RAP2B: variants seen among roughly 807,000 people sequenced by gnomAD.
RAP2B encodes ras-related protein Rap-2b.
In RAP2B, 6 loss-of-function variants were observed where a neutral mutation model predicts 14.4. The ratio of observed to expected loss-of-function variants is 0.42; its 90% CI spans 0.23 to 0.82. RAP2B has a LOEUF of 0.82. Among genes scored for constraint, RAP2B ranks in the 40% least tolerant of loss-of-function variants. The pLI is 0.30. For synonymous variants in RAP2B, 118 were observed against 113.2 expected (o/e 1.04, Z -0.27); for missense variants, 137 against 248.2 (o/e 0.55, Z 3.01).
chr3:153,169,685 C>T lies in RAP2B; in HGVS notation c.*6440C>T, dbSNP rs1045898580. 2.0e-5 allele frequency: 3 copies of T among 152,094 alleles called. No homozygotes were observed. Among genetic ancestry groups the T allele is most frequent in the Non-Finnish European group, 4.4e-5 (3 of 68,046 alleles). The allele number at this position is 152,094 out of a possible 1,614,324, so 9.4% of individuals were successfully genotyped here. On this transcript the variant is annotated 3_prime_UTR_variant, in exon 1 of 1. Coordinates refer to ENST00000323534, the MANE Select transcript of RAP2B (RefSeq NM_002886.4). ...GGTCTTGAACTTCTGACCTTGTGCT[C>T]CACCCACCTCAGCCTCCCAAGAGTT...
In RAP2B at chr3:153,165,067, T is replaced by C. The variant is rs1368065572; in HGVS notation, c.*1822T>C. The stretch of plus-strand genomic sequence containing the variant: ...TGCCTTAGATCTGGGAAAGTAACCA[T>C]CCTTCTGGCAAAGTAGGATGGCACT... On this transcript the variant is annotated 3_prime_UTR_variant, in exon 1 of 1. Transcript: ENST00000323534. 6.0e-6 allele frequency: 1 copy of C among 166,864 alleles called. No individual in the cohort carries two copies. The highest frequency in any genetic ancestry group is 2.4e-5 in the African/African-American group (1 of 41,466). 10.3% of individuals were successfully genotyped at this position (166,864 alleles called of 1,614,324 possible). A position where few individuals can be genotyped will look rare whatever the true frequency, so the allele number is the denominator to read the frequency against.
rs1713594629 is a variant in RAP2B, at chr3:153,166,854, C to G, written c.*3609C>G. 6.0e-6 allele frequency: 1 copy of G among 166,784 alleles called. No individual in the cohort carries two copies. The highest frequency in any genetic ancestry group is 1.5e-5 in the Non-Finnish European group (1 of 68,072). 10.3% of individuals were successfully genotyped at this position (166,784 alleles called of 1,614,324 possible). ...GAATGCCTGATCTATTTTATCTGTTCAGGTAGTTTTGTTATTGTACCCTCT... is the reference window on the plus strand; with the variant it reads ...GAATGCCTGATCTATTTTATCTGTTGAGGTAGTTTTGTTATTGTACCCTCT... On this transcript the variant is annotated 3_prime_UTR_variant, in exon 1 of 1. Transcript: ENST00000323534.
In RAP2B at chr3:153,167,233, A is replaced by G. The variant is rs1312076440; in HGVS notation, c.*3988A>G. 1.2e-5 allele frequency: 2 copies of G among 167,092 alleles called. No homozygotes were observed. The highest frequency in any genetic ancestry group is 2.9e-5 in the Non-Finnish European group (2 of 68,106). The allele number at this position is 167,092 out of a possible 1,614,324, so 10.4% of individuals were successfully genotyped here. On this transcript the variant is annotated 3_prime_UTR_variant, in exon 1 of 1. Coordinates refer to ENST00000323534, the MANE Select transcript of RAP2B (RefSeq NM_002886.4). ...CTATTAGGAATGATTCAGTGCATTT[A>G]ACTGAACACAGAGCTAGTTCTAGGT...
chr3:153,162,995 T>C lies in RAP2B; in HGVS notation c.302T>C (p.Ile101Thr). The C allele has an allele frequency of 6.2e-7, 1 of 1,614,120 alleles. No individual in the cohort carries two copies. Among genetic ancestry groups the C allele is most frequent in the Non-Finnish European group, 8.5e-7 (1 of 1,180,038 alleles). The stretch of plus-strand genomic sequence containing the variant: ...ATCAAGCCCATGCGGGACCAGATCA[T>C]CCGCGTGAAGCGGTACGAGCGCGTG... ...QDIKPMRDQI[I>T]RVKRYERVPM... is the part of the protein sequence containing the mutation. Residue 101 changes from isoleucine (I) to threonine (T), a missense_variant, in exon 1 of 1, where the codon ATC becomes ACC. By Grantham distance (89) the Ile-to-Thr change is moderately conservative. Coordinates refer to ENST00000323534, the MANE Select transcript of RAP2B (RefSeq NM_002886.4). This position sits in a 1 kb window ranked among gnomAD's most constrained non-coding sequence, Gnocchi z 4.9.
Position 153,163,650 on chromosome 3 carries a change from T to C in RAP2B, c.*405T>C, listed in dbSNP as rs1397750886. On this transcript the variant is annotated 3_prime_UTR_variant, in exon 1 of 1. Transcript: ENST00000323534. ...GGTGGAAATGGTTTTTTTTTTTTTT[T>C]TTCTATTTTCTTTCTTTTTTTTTTT... 3 of 164,408 alleles carry C rather than the reference T, an allele frequency of 1.8e-5. No homozygotes were observed. Among genetic ancestry groups the C allele is most frequent in the African/African-American group, 7.4e-5 (3 of 40,554 alleles). 10.2% of individuals were successfully genotyped at this position (164,408 alleles called of 1,614,324 possible).
Position 153,168,193 on chromosome 3 carries a change from G to T in RAP2B, c.*4948G>T, listed in dbSNP as rs1012375103. On this transcript the variant is annotated 3_prime_UTR_variant, in exon 1 of 1. Transcript: ENST00000323534. The stretch of plus-strand genomic sequence containing the variant: ...CCAGAACTTTATGTTAAAGATCTGG[G>T]TTTTTAAAGACAATTTGGGGGCCTT... 1.2e-5 allele frequency: 2 copies of T among 166,890 alleles called. No individual in the cohort carries two copies. The highest frequency in any genetic ancestry group is 2.9e-5 in the Non-Finnish European group (2 of 68,098). The allele number at this position is 166,890 out of a possible 1,614,324, so 10.3% of individuals were successfully genotyped here. A position where few individuals can be genotyped will look rare whatever the true frequency, so the allele number is the denominator to read the frequency against.
Position 153,163,385 on chromosome 3 carries a change from C to T in RAP2B, c.*140C>T. On this transcript the variant is annotated 3_prime_UTR_variant, in exon 1 of 1. Coordinates refer to ENST00000323534, the MANE Select transcript of RAP2B (RefSeq NM_002886.4). ...GTCTTGGGAGCCCGGCTGGCCTCCG[C>T]GGCCGGCGTCCCCTGCCTCCACCCT... 8.2e-7 allele frequency: 1 copy of T among 1,221,810 alleles called. No individual in the cohort carries two copies. The highest frequency in any genetic ancestry group is 1.1e-6 in the Non-Finnish European group (1 of 893,190). 75.7% of individuals were successfully genotyped at this position (1,221,810 alleles called of 1,614,324 possible). A position where few individuals can be genotyped will look rare whatever the true frequency, so the allele number is the denominator to read the frequency against.
rs1214475128 is a variant in RAP2B at position 153,165,018 on chromosome 3, A to G, written c.*1773A>G. ...CAGTTTACCTCATTGTAGGTAGGGAACAAGAGAACCCATCTATTAAAATTG... is the reference window on the plus strand; with the variant it reads ...CAGTTTACCTCATTGTAGGTAGGGAGCAAGAGAACCCATCTATTAAAATTG... On this transcript the variant is annotated 3_prime_UTR_variant, in exon 1 of 1. Coordinates refer to ENST00000323534, the MANE Select transcript of RAP2B (RefSeq NM_002886.4). 6.0e-6 allele frequency: 1 copy of G among 166,800 alleles called. No homozygotes were observed. Among genetic ancestry groups the G allele is most frequent in the Non-Finnish European group, 1.5e-5 (1 of 68,102 alleles). 10.3% of individuals were successfully genotyped at this position (166,800 alleles called of 1,614,324 possible).
Position 153,167,459 on chromosome 3 carries a change from G to C in RAP2B, c.*4214G>C, listed in dbSNP as rs939880332. 1.2e-5 allele frequency: 2 copies of C among 166,976 alleles called. No individual in the cohort carries two copies. Among genetic ancestry groups the C allele is most frequent in the African/African-American group, 4.8e-5 (2 of 41,456 alleles). 10.3% of individuals were successfully genotyped at this position (166,976 alleles called of 1,614,324 possible). A position where few individuals can be genotyped will look rare whatever the true frequency, so the allele number is the denominator to read the frequency against. On this transcript the variant is annotated 3_prime_UTR_variant, in exon 1 of 1. Transcript: ENST00000323534. Reference sequence around the variant, plus strand: ...TTTCATTTCTAACAAGTTTCCAAGTGATTGTGTTATTGCTGTTCCAGGGAC... The same window carrying C: ...TTTCATTTCTAACAAGTTTCCAAGTCATTGTGTTATTGCTGTTCCAGGGAC...
At position 153,167,307 on chromosome 3, in the gene RAP2B, A is replaced by G. The variant is rs1274714906; in HGVS notation, c.*4062A>G. 6.0e-6 allele frequency: 1 copy of G among 167,192 alleles called. No individual in the cohort carries two copies. Among genetic ancestry groups the G allele is most frequent in the African/African-American group, 2.4e-5 (1 of 41,574 alleles). 10.4% of individuals were successfully genotyped at this position (167,192 alleles called of 1,614,324 possible). A position where few individuals can be genotyped will look rare whatever the true frequency, so the allele number is the denominator to read the frequency against. ...TGGATTTTGAAGGTTTGAGAAGGCT[A>G]TGGGGATCATCTGGTTGAAAGGTTC... On this transcript the variant is annotated 3_prime_UTR_variant, in exon 1 of 1. Transcript: ENST00000323534.
Position 153,162,433 on chromosome 3 carries a change from C to T in RAP2B, c.-261C>T. On this transcript the variant is annotated 5_prime_UTR_variant, in exon 1 of 1. Transcript: ENST00000323534. This position sits in a 1 kb window ranked among gnomAD's most constrained non-coding sequence, Gnocchi z 4.9. ...CTGCGGGCATTGTCCTCTCGGTTCGCCGCCCGGGCTGCTGCTGCCGCCGCG... is the reference window on the plus strand; with the variant it reads ...CTGCGGGCATTGTCCTCTCGGTTCGTCGCCCGGGCTGCTGCTGCCGCCGCG... The T allele has an allele frequency of 3.5e-6, 1 of 289,204 alleles. No homozygotes were observed. Among genetic ancestry groups the T allele is most frequent in the East Asian group, 5.9e-5 (1 of 16,842 alleles). 17.9% of individuals were successfully genotyped at this position (289,204 alleles called of 1,614,324 possible). A position where few individuals can be genotyped will look rare whatever the true frequency, so the allele number is the denominator to read the frequency against.
At position 153,168,979 on chromosome 3, in the gene RAP2B, C is replaced by T. The variant is rs1293819288; in HGVS notation, c.*5734C>T. 6.6e-6 allele frequency: 1 copy of T among 151,962 alleles called. No homozygotes were observed. Among genetic ancestry groups the T allele is most frequent in the African/African-American group, 2.4e-5 (1 of 41,372 alleles). The allele number at this position is 151,962 out of a possible 1,614,324, so 9.4% of individuals were successfully genotyped here. A position where few individuals can be genotyped will look rare whatever the true frequency, so the allele number is the denominator to read the frequency against. On this transcript the variant is annotated 3_prime_UTR_variant, in exon 1 of 1. Coordinates refer to ENST00000323534, the MANE Select transcript of RAP2B (RefSeq NM_002886.4). ...ATGGACTAATACTTGATTTTGTGAA[C>T]CTGTTTTAATTTTAGGGTTATATTT...
In RAP2B at chr3:153,163,422, G is replaced by C. The variant is rs769510088; in HGVS notation, c.*177G>C. On this transcript the variant is annotated 3_prime_UTR_variant, in exon 1 of 1. Coordinates refer to ENST00000323534, the MANE Select transcript of RAP2B (RefSeq NM_002886.4). ...CCTGCCTCCACCCTGTGCCCGAGGG[G>C]GTGTCCGGTCCTGCCCATCCGATAC... 2.0e-5 allele frequency: 16 copies of C among 793,860 alleles called. No homozygotes were observed. The African/African-American group carries it at 2.5e-4, about 12-fold the overall frequency. The allele number at this position is 793,860 out of a possible 1,614,324, so 49.2% of individuals were successfully genotyped here. A position where few individuals can be genotyped will look rare whatever the true frequency, so the allele number is the denominator to read the frequency against.
Position 153,168,142 on chromosome 3 carries a change from A to G in RAP2B, c.*4897A>G, listed in dbSNP as rs543799803. 1.2e-5 allele frequency: 2 copies of G among 167,118 alleles called. No homozygotes were observed. Among genetic ancestry groups the G allele is most frequent in the South Asian group, 4.1e-4 (2 of 4,826 alleles). The allele number at this position is 167,118 out of a possible 1,614,324, so 10.4% of individuals were successfully genotyped here. A position where few individuals can be genotyped will look rare whatever the true frequency, so the allele number is the denominator to read the frequency against. On this transcript the variant is annotated 3_prime_UTR_variant, in exon 1 of 1. Coordinates refer to ENST00000323534, the MANE Select transcript of RAP2B (RefSeq NM_002886.4). The stretch of plus-strand genomic sequence containing the variant: ...TGTGTATCTTGCAGCTTCTTTCGTT[A>G]TGCATCTTAATTCCCTCAGAAGGTC...
In RAP2B at chr3:153,170,588, G is replaced by A. The variant is rs760309192; in HGVS notation, c.*7343G>A. On this transcript the variant is annotated 3_prime_UTR_variant, in exon 1 of 1. Transcript: ENST00000323534. ...TGAACATTGGGCCTTTGAAAGGTATGTGGAAATTGTAAATAAAAATGGATT... is the reference window on the plus strand; with the variant it reads ...TGAACATTGGGCCTTTGAAAGGTATATGGAAATTGTAAATAAAAATGGATT... 5 of 152,178 alleles carry A rather than the reference G, an allele frequency of 3.3e-5. No homozygotes were observed. Among genetic ancestry groups the A allele is most frequent in the Non-Finnish European group, 7.3e-5 (5 of 68,030 alleles). The allele number at this position is 152,178 out of a possible 1,614,324, so 9.4% of individuals were successfully genotyped here.
Position 153,162,431 on chromosome 3 carries a change from C to T in RAP2B, c.-263C>T, listed in dbSNP as rs1241159938. The T allele has an allele frequency of 1.1e-5, 3 of 280,216 alleles. No individual in the cohort carries two copies. Among genetic ancestry groups the T allele is most frequent in the Non-Finnish European group, 2.0e-5 (3 of 152,162 alleles). 17.4% of individuals were successfully genotyped at this position (280,216 alleles called of 1,614,324 possible). A position where few individuals can be genotyped will look rare whatever the true frequency, so the allele number is the denominator to read the frequency against. ...GGCTGCGGGCATTGTCCTCTCGGTT[C>T]GCCGCCCGGGCTGCTGCTGCCGCCG... is the stretch of plus-strand genomic sequence containing the variant. On this transcript the variant is annotated 5_prime_UTR_variant, in exon 1 of 1. Coordinates refer to ENST00000323534, the MANE Select transcript of RAP2B (RefSeq NM_002886.4). The surrounding 1 kb of genome is among the most constrained non-coding windows in gnomAD (Gnocchi z 4.9).
chr3:153,168,070 ATTTAGTTC>A lies in RAP2B; in HGVS notation c.*4827_*4834del, dbSNP rs1049992536. 1.2e-5 allele frequency: 2 copies of A among 166,932 alleles called. No individual in the cohort carries two copies. The highest frequency in any genetic ancestry group is 6.5e-5 in the Admixed American group (1 of 15,276). 10.3% of individuals were successfully genotyped at this position (166,932 alleles called of 1,614,324 possible). On this transcript the variant is annotated 3_prime_UTR_variant, in exon 1 of 1. Transcript: ENST00000323534. ...TCCAGGTGTTAGTTAATTCCTTCTC[ATTTAGTTC>A]TACTGTAATCCATTCTGGGAAAATG...
At position 153,167,166 on chromosome 3, in the gene RAP2B, C is replaced by T. The variant is rs1713603674; in HGVS notation, c.*3921C>T. The T allele has an allele frequency of 6.0e-6, 1 of 166,900 alleles. No individual in the cohort carries two copies. Among genetic ancestry groups the T allele is most frequent in the Admixed American group, 6.6e-5 (1 of 15,264 alleles). The allele number at this position is 166,900 out of a possible 1,614,324, so 10.3% of individuals were successfully genotyped here. On this transcript the variant is annotated 3_prime_UTR_variant, in exon 1 of 1. Coordinates refer to ENST00000323534, the MANE Select transcript of RAP2B (RefSeq NM_002886.4). ...TGAAAATATAGTAAATTTTAAAATA[C>T]TAATATAATGTGGTATTCTTGATTA...
rs1713509259 is a variant in RAP2B at position 153,164,350 on chromosome 3, A to C, written c.*1105A>C. The C allele has an allele frequency of 1.2e-5, 2 of 167,050 alleles. No individual in the cohort carries two copies. Among genetic ancestry groups the C allele is most frequent in the Admixed American group, 6.5e-5 (1 of 15,284 alleles). The allele number at this position is 167,050 out of a possible 1,614,324, so 10.3% of individuals were successfully genotyped here. On this transcript the variant is annotated 3_prime_UTR_variant, in exon 1 of 1. Transcript: ENST00000323534. ...CTGTGAACTTCCCACCATATCCCAG[A>C]ATCTGCTATTCCCCAAACCACTTCC...
Sources: allele counts gnomAD v4.1 joint callset, GRCh38; gene constraint gnomAD v4.1.1; non-coding constraint Gnocchi (gnomAD v3.1); transcripts MANE v1.5; gene names NCBI Gene and HGNC (gene_info 2026-07-23, HGNC 2026-07-21).